Variants in MTUS2 observed in about 807,000 individuals in gnomAD.
MTUS2 encodes the protein microtubule associated scaffold protein 2, also known as microtubule-associated tumor suppressor candidate 2.
Under a neutral mutation model 114.1 loss-of-function variants are expected in MTUS2, and 40 were observed. The observed-to-expected ratio is 0.35, with a 90% confidence interval of 0.27 to 0.46. MTUS2 has a LOEUF of 0.46. Among genes scored for constraint, MTUS2 ranks in the 20% least tolerant of loss-of-function variants. The pLI, the probability that MTUS2 is intolerant of heterozygous loss-of-function variation, is 1.00. For synonymous variants in MTUS2, 688 were observed against 672.0 expected (o/e 1.02, Z -0.37); for missense variants, 1,679 against 1,705.4 (o/e 0.98, Z 0.27).
Position 29,487,889 on chromosome 13 carries a change from C to T in MTUS2, c.3400-11C>T, listed in dbSNP as rs1167091788. On this transcript the variant is annotated splice_polypyrimidine_tract_variant and intron_variant, in intron 10 of 15. Coordinates refer to ENST00000612955, the MANE Select transcript of MTUS2 (RefSeq NM_001033602.4). Reference sequence around the variant, plus strand: ...CTCTCTGTCTAACCAGTAACTGCGACTCTCCTCCAGGTGGAAGATCTCACC... The same window carrying T: ...CTCTCTGTCTAACCAGTAACTGCGATTCTCCTCCAGGTGGAAGATCTCACC... The T allele has an allele frequency of 3.7e-6, 6 of 1,606,314 alleles. No homozygotes were observed. Among genetic ancestry groups the T allele is most frequent in the East Asian group, 2.2e-5 (1 of 44,852 alleles).
rs1883133552 is a variant in MTUS2, at chr13:29,504,882, C to T, written c.*1676C>T. 1.3e-5 allele frequency: 3 copies of T among 232,474 alleles called. No homozygotes were observed. Among genetic ancestry groups the T allele is most frequent in the South Asian group, 1.8e-4 (1 of 5,526 alleles). 14.4% of individuals were successfully genotyped at this position (232,474 alleles called of 1,614,324 possible). A position where few individuals can be genotyped will look rare whatever the true frequency, so the allele number is the denominator to read the frequency against. On this transcript the variant is annotated 3_prime_UTR_variant, in exon 16 of 16. Coordinates refer to ENST00000612955, the MANE Select transcript of MTUS2 (RefSeq NM_001033602.4). Reference sequence around the variant, plus strand: ...CCATGGAACGGGGAAGAAAACAGCCCGCGGACGGGGTCGGCTTGTCCAGGG... The same window carrying T: ...CCATGGAACGGGGAAGAAAACAGCCTGCGGACGGGGTCGGCTTGTCCAGGG...
At chr13:29,253,421 A>C (rs567348679) in intron 5 of MTUS2, among the ~76,000 whole-genome samples, 9 of 151,768 alleles carry the variant, frequency 5.9e-5, no homozygotes, top group African/African-American at 1.9e-4. Flanking sequence ...GCAAGACTCC[A>C]TCTCAAAAAA....
intron 5 of MTUS2, among the ~76,000 whole-genome samples, chr13:29,254,314 G>A (rs941593790): frequency 2.0e-5 from 3 of 152,336 alleles, no homozygotes; most frequent in Middle Eastern, 3.4e-3. Context: ...AGGAGGCAAC[G>A]AACAAACAGG....
chr13:29,082,661 G>T (rs985214329), intron 4 of MTUS2, among the ~76,000 whole-genome samples: 3 of 152,154 alleles, frequency 2.0e-5, no homozygotes, highest in African/African-American at 4.8e-5. Flanking sequence ...TGCCAAGCTT[G>T]CAGGGTGCCA....
intron 8 of MTUS2, among the ~76,000 whole-genome samples, chr13:29,364,722 C>A (rs545590249): frequency 6.6e-6 from 1 of 152,324 alleles, no homozygotes; most frequent in South Asian, 2.1e-4. Context: ...CGTCCACCAG[C>A]CAAAGGACTT....
intron 5 of MTUS2, among the ~76,000 whole-genome samples, chr13:29,209,401 G>A (rs1895328774): frequency 6.6e-6 from 1 of 151,844 alleles, no homozygotes; most frequent in Non-Finnish European, 1.5e-5. Context: ...CTTTTAAGTG[G>A]AACATTTAGG....
intron 5 of MTUS2, among the ~76,000 whole-genome samples, chr13:29,237,634 C>G (rs1896582441): frequency 6.6e-6 from 1 of 152,198 alleles, no homozygotes; most frequent in Non-Finnish European, 1.5e-5. Context: ...AGCTTCTACT[C>G]TGGGATTACT....
At chr13:29,205,288 G>A (rs933376580) in intron 5 of MTUS2, among the ~76,000 whole-genome samples, 1 of 152,172 alleles carries the variant, frequency 6.6e-6, no homozygotes, top group Non-Finnish European at 1.5e-5. Flanking sequence ...GTCAGGTTTT[G>A]TTTTAGCACA....
chr13:29,171,976 C>G (rs747891138), intron 5 of MTUS2, among the ~76,000 whole-genome samples: 5 of 152,174 alleles, frequency 3.3e-5, no homozygotes, highest in Non-Finnish European at 5.9e-5. Context: ...GCAGGGAAGG[C>G]TGGGAAAGGT....
intron 9 of MTUS2, among the ~76,000 whole-genome samples, chr13:29,450,895 C>A (rs1878634709): frequency 6.6e-6 from 1 of 152,112 alleles, no homozygotes; most frequent in Non-Finnish European, 1.5e-5. Context: ...AAAGACATAA[C>A]AATACCAAAT....
intron 8 of MTUS2, among the ~76,000 whole-genome samples, chr13:29,382,445 T>C (rs1050568707): frequency 6.6e-6 from 1 of 152,036 alleles, no homozygotes; most frequent in Non-Finnish European, 1.5e-5. Flanking sequence ...GGAGGTAAGT[T>C]GCCTAGGATT....
intron 9 of MTUS2, among the ~76,000 whole-genome samples, chr13:29,441,880 C>CT (rs1877906784): frequency 6.6e-6 from 1 of 152,156 alleles, no homozygotes; most frequent in African/African-American, 2.4e-5. Flanking sequence ...TGGAAACTAC[C>CT]TTATCAAAAA....
At chr13:28,995,081 G>A (rs1370103943) in intron 2 of MTUS2, among the ~76,000 whole-genome samples, 1 of 152,152 alleles carries the variant, frequency 6.6e-6, no homozygotes, top group Non-Finnish European at 1.5e-5. Context: ...TTTTGTATAA[G>A]GTGTAAGGAA....
intron 4 of MTUS2, among the ~76,000 whole-genome samples, chr13:29,054,938 G>T (rs73164582): frequency 2.6e-5 from 4 of 151,784 alleles, no homozygotes; most frequent in African/African-American, 9.7e-5. Flanking sequence ...CAGGGAACAC[G>T]CTTTGTTTAA....
chr13:29,035,932 G>T (rs1245201798), intron 4 of MTUS2, among the ~76,000 whole-genome samples: 1 of 151,936 alleles, frequency 6.6e-6, no homozygotes, highest in Non-Finnish European at 1.5e-5. Flanking sequence ...ATCGCTGGAG[G>T]CCAGGAGTTT....
intron 8 of MTUS2, among the ~76,000 whole-genome samples, chr13:29,418,551 G>A (rs913964367): frequency 1.3e-5 from 2 of 152,162 alleles, no homozygotes; most frequent in Non-Finnish European, 2.9e-5. Context: ...GCATAAGTTA[G>A]ATTATTCAGA....
chr13:29,189,995 T>C (rs1003075095), intron 5 of MTUS2, among the ~76,000 whole-genome samples: 1 of 152,204 alleles, frequency 6.6e-6, no homozygotes, highest in Non-Finnish European at 1.5e-5. Context: ...GATAGATTGC[T>C]CTTCCCTTCA....
At chr13:29,007,775 A>G (rs1379243060) in intron 2 of MTUS2, among the ~76,000 whole-genome samples, 2 of 151,986 alleles carry the variant, frequency 1.3e-5, no homozygotes, top group South Asian at 2.1e-4. Flanking sequence ...CTTTATTGTA[A>G]TAACATAATA....
At chr13:29,383,242 G>GTATATATATATATATTTATTTA (rs1315060468) in intron 8 of MTUS2, among the ~76,000 whole-genome samples, 2 of 28,710 alleles carry the variant, frequency 7.0e-5, no homozygotes, top group African/African-American at 1.2e-4. Flanking sequence ...GTGTGTGTGT[G>GTATATATATATATATTTATTTA]TGTGTGTGTG....
Sources: allele counts gnomAD v4.1 joint callset (sites outside exome capture counted in the v4.1 genomes callset), GRCh38; gene constraint gnomAD v4.1.1; transcripts MANE v1.5; gene names NCBI Gene and HGNC (gene_info 2026-07-23, HGNC 2026-07-21).